SLC10A7: variants seen among roughly 807,000 people sequenced by gnomAD.
SLC10A7 encodes sodium/bile acid cotransporter 7.
In SLC10A7, 29 loss-of-function variants were observed where a neutral mutation model predicts 43.2. That is an observed-to-expected ratio of 0.67 (90% CI 0.50 to 0.92). The LOEUF is 0.92. Among genes scored for constraint, SLC10A7 ranks in the 40% least tolerant of loss-of-function variants. The probability of loss-of-function intolerance (pLI) is 0.00; values close to 1 mark genes in which losing one functional copy is unlikely to be tolerated. For synonymous variants in SLC10A7, 152 were observed against 144.8 expected (o/e 1.05, Z -0.35); for missense variants, 295 against 403.2 (o/e 0.73, Z 2.30).
intron 5 of SLC10A7, among the ~76,000 whole-genome samples, chr4:146,355,524 C>G (rs1735517221): frequency 6.6e-6 from 1 of 151,450 alleles, no homozygotes; most frequent in Non-Finnish European, 1.5e-5. Flanking sequence ...TTTGACCCAG[C>G]CATCCCATTA....
intron 5 of SLC10A7, among the ~76,000 whole-genome samples, chr4:146,348,173 TA>T (rs1261669835): frequency 2.6e-5 from 4 of 152,154 alleles, no homozygotes; most frequent in African/African-American, 9.7e-5. Flanking sequence ...TTATTTGAAA[TA>T]AAATGTTCTG....
intron 3 of SLC10A7, among the ~76,000 whole-genome samples, chr4:146,509,681 GCTCGTCGTAAAA>G (rs1207631627): frequency 1.3e-5 from 2 of 152,142 alleles, no homozygotes; most frequent in African/African-American, 4.8e-5. Flanking sequence ...TCAGAAAAGT[GCTCGTCGTAAAA>G]CCACAGGATG....
intron 10 of SLC10A7, among the ~76,000 whole-genome samples, chr4:146,265,368 T>A (rs1728489671): frequency 6.6e-6 from 1 of 152,230 alleles, no homozygotes; most frequent in Admixed American, 6.5e-5. Context: ...GGGCTGGCAC[T>A]TTTTAATCCT....
intron 4 of SLC10A7, among the ~76,000 whole-genome samples, chr4:146,460,022 A>T (rs567352951): frequency 1.3e-4 from 20 of 152,062 alleles, no homozygotes; most frequent in African/African-American, 4.6e-4. Context: ...AAAATGGGCA[A>T]AAGATTTGAA....
chr4:146,466,551 G>A (rs1733055783), intron 4 of SLC10A7, among the ~76,000 whole-genome samples: 1 of 152,084 alleles, frequency 6.6e-6, no homozygotes, highest in African/African-American at 2.4e-5. Flanking sequence ...AAGGACAGGG[G>A]ACAAAATCTG....
intron 7 of SLC10A7, among the ~76,000 whole-genome samples, chr4:146,301,814 C>G (rs1731178441): frequency 6.6e-6 from 1 of 152,050 alleles, no homozygotes; most frequent in Admixed American, 6.5e-5. Flanking sequence ...GACCAGAATA[C>G]AAGAGGAGGG....
chr4:146,335,959 G>A (rs1338232577), intron 5 of SLC10A7, among the ~76,000 whole-genome samples: 1 of 152,082 alleles, frequency 6.6e-6, no homozygotes, highest in Non-Finnish European at 1.5e-5. Flanking sequence ...CTGGAAGCTT[G>A]TGAGAACTAG....
chr4:146,422,785 T>C (rs979008575), intron 5 of SLC10A7, among the ~76,000 whole-genome samples: 1 of 152,160 alleles, frequency 6.6e-6, no homozygotes, highest in African/African-American at 2.4e-5. Flanking sequence ...GTCCTCTTAG[T>C]CTGAAATGAA....
At chr4:146,389,175 G>A (rs745611919) in intron 5 of SLC10A7, among the ~76,000 whole-genome samples, 30 of 152,150 alleles carry the variant, frequency 2.0e-4, no homozygotes, top group Non-Finnish European at 3.8e-4. Flanking sequence ...TAGAAGAGTG[G>A]AAGGAGGGTG....
intron 5 of SLC10A7, among the ~76,000 whole-genome samples, chr4:146,345,875 G>A (rs1052916606): frequency 1.3e-5 from 2 of 152,064 alleles, no homozygotes; most frequent in African/African-American, 4.8e-5. Flanking sequence ...CCTAGATACT[G>A]TTCTTGCACT....
chr4:146,295,006 T>A (rs1309629417), intron 7 of SLC10A7, among the ~76,000 whole-genome samples: 2 of 152,162 alleles, frequency 1.3e-5, no homozygotes, highest in African/African-American at 4.8e-5. Context: ...CACAACAGGC[T>A]GAATTACCAT....
intron 9 of SLC10A7, among the ~76,000 whole-genome samples, chr4:146,288,316 G>A (rs774971636): frequency 2.6e-5 from 4 of 152,232 alleles, no homozygotes; most frequent in Non-Finnish European, 4.4e-5. Context: ...AATTACCACA[G>A]CATAAGCATT....
chr4:146,300,983 G>A (rs1263922923), intron 7 of SLC10A7, among the ~76,000 whole-genome samples: 2 of 152,118 alleles, frequency 1.3e-5, no homozygotes, highest in African/African-American at 4.8e-5. Context: ...TCTTGAATAT[G>A]TTATTAAGTA....
intron 7 of SLC10A7, among the ~76,000 whole-genome samples, chr4:146,300,057 A>C (rs1334502059): frequency 6.6e-6 from 1 of 152,144 alleles, no homozygotes; most frequent in Non-Finnish European, 1.5e-5. Flanking sequence ...AGAGTGAAGG[A>C]GTTGAGAATA....
intron 9 of SLC10A7, among the ~76,000 whole-genome samples, chr4:146,288,901 CA>C (rs1730216641): frequency 6.6e-6 from 1 of 152,078 alleles, no homozygotes; most frequent in South Asian, 2.1e-4. Context: ...TTCTTTCTTA[CA>C]AAGCTTTCAA....
chr4:146,415,007 A>C (rs1238106740), intron 5 of SLC10A7, among the ~76,000 whole-genome samples: 1 of 152,198 alleles, frequency 6.6e-6, no homozygotes, highest in Non-Finnish European at 1.5e-5. Flanking sequence ...TAATAATTCA[A>C]TGGATATTCA....
chr4:146,290,330 G>GA lies in SLC10A7; in HGVS notation c.773+2598dup, dbSNP rs1373133863. On this transcript the variant is annotated intron_variant, in intron 9 of 11. Transcript: ENST00000335472. ...TAGAGCAAGACTCCATCTCAAAAAAGAAAAAAAAAAAAAAAAAGGTACAGA... is the reference window on the plus strand; with the variant it reads ...TAGAGCAAGACTCCATCTCAAAAAAGAAAAAAAAAAAAAAAAAAGGTACAGA... Among the ~76,000 whole-genome samples the GA allele has an allele frequency of 4.0e-3, 444 of 110,136 alleles. 4 individuals are homozygous for GA. The highest frequency in any genetic ancestry group is 6.1e-3 in the Non-Finnish European group (336 of 55,124). The allele number at this position is 110,136 out of a possible 152,430, so 72.3% of individuals were successfully genotyped here. A position where few individuals can be genotyped will look rare whatever the true frequency, so the allele number is the denominator to read the frequency against.
At chr4:146,335,203 T>G (rs2149718772) in intron 5 of SLC10A7, among the ~76,000 whole-genome samples, 1 of 146,818 alleles carries the variant, frequency 6.8e-6, no homozygotes, top group Non-Finnish European at 1.5e-5. Flanking sequence ...TAATAGAATG[T>G]TATTGTCTCT....
In SLC10A7 at chr4:146,369,527, G is replaced by A. The variant is rs193223970; in HGVS notation, c.436-43531C>T. ...TCTCCCTTTGAATATTTCTTTACTG[G>A]TGATATTGACTGGTAGATCCTACTA... On this transcript the variant is annotated intron_variant, in intron 5 of 11. Coordinates refer to ENST00000335472, the MANE Select transcript of SLC10A7 (RefSeq NM_001029998.6). Among the ~76,000 whole-genome samples the A allele has an allele frequency of 9.9e-5, 15 of 152,220 alleles. 1 individual carries two copies. The East Asian group carries it at 2.5e-3, about 25-fold the overall frequency.
Sources: allele counts gnomAD v4.1 joint callset (sites outside exome capture counted in the v4.1 genomes callset), GRCh38; gene constraint gnomAD v4.1.1; transcripts MANE v1.5; gene names NCBI Gene and HGNC (gene_info 2026-07-23, HGNC 2026-07-21).